BTD: variants seen among roughly 807,000 people sequenced by gnomAD.
BTD encodes biocytinase.
A neutral mutation model predicts 17.7 loss-of-function variants in BTD; 13 were observed. That is an observed-to-expected ratio of 0.74 (90% CI 0.48 to 1.17). The LOEUF is 1.17. BTD is among the 50% of genes most tolerant of loss of function. The pLI is 0.00. For synonymous variants in BTD, 240 were observed against 245.2 expected (o/e 0.98, Z 0.20); for missense variants, 674 against 650.4 (o/e 1.04, Z -0.39).
rs570622244 is a variant in BTD, at chr3:15,687,108, A to AT, written c.400-22944dup. Among the ~76,000 whole-genome samples the AT allele has an allele frequency of 5.8e-3, 877 of 151,316 alleles. 5 individuals are homozygous for AT. Among genetic ancestry groups the AT allele is most frequent in the African/African-American group, 0.02 (825 of 41,166 alleles). ...CAGGCGCCTGCCACCACACCCGGCG[A>AT]TTTTTTTTGTATTTTTAGGAGAGAT... On this transcript the variant is annotated intron_variant, in intron 3 of 3. Coordinates refer to the BTD transcript ENST00000672141.
At chr3:15,674,095 C>G (rs1469097212) in intron 3 of BTD, among the ~76,000 whole-genome samples, 5 of 132,516 alleles carry the variant, frequency 3.8e-5, no homozygotes. Context: ...TCTCTTGAGC[C>G]CAGGAGTTCA....
chr3:15,662,561 T>C (rs2065935061), intron 3 of BTD, among the ~76,000 whole-genome samples: 1 of 152,262 alleles, frequency 6.6e-6, no homozygotes, highest in South Asian at 2.1e-4. Flanking sequence ...TTTTACTTCT[T>C]CCTTTCTAAC....
intron 1 of BTD, 146 bp downstream of exon 1, chr3:15,602,040 C>A (rs910676921): frequency 1.3e-6 from 2 of 1,482,432 alleles, no homozygotes; most frequent in Non-Finnish European, 1.8e-6. Context: ...TTTGCTGGGG[C>A]TGTTTGTGCG....
At chr3:15,643,841 G>A (rs1196855900) in intron 3 of BTD, among the ~76,000 whole-genome samples, 2 of 143,784 alleles carry the variant, frequency 1.4e-5, no homozygotes, top group Non-Finnish European at 3.0e-5. Flanking sequence ...AGGATTGCTT[G>A]AGGCCAGGAG....
chr3:15,707,781 T>C (rs1359562181), intron 3 of BTD: 11 of 980,942 alleles, frequency 1.1e-5, no homozygotes. Flanking sequence ...ATGAAACCAA[T>C]CTATTTCCCA....
intron 1 of BTD, among the ~76,000 whole-genome samples, chr3:15,613,620 T>C (rs1025539737): frequency 6.6e-6 from 1 of 152,138 alleles, no homozygotes. Context: ...TTTTATTTAA[T>C]ATAAGCAGTT....
intron 3 of BTD, among the ~76,000 whole-genome samples, chr3:15,662,562 CCTTT>C (rs755438790): frequency 5.3e-5 from 8 of 152,188 alleles, no homozygotes; most frequent in Admixed American, 1.3e-4. Context: ...TTTACTTCTT[CCTTT>C]CTAACCTGCA....
At chr3:15,670,426 A>G (rs772854817) in intron 3 of BTD, 1 of 1,613,994 alleles carries the variant, frequency 6.2e-7, no homozygotes, top group East Asian at 2.2e-5. Context: ...TGTTGGTATA[A>G]CGGTTAATGG....
chr3:15,669,253 G>C (rs1393430347), intron 3 of BTD: 1 of 152,080 alleles, frequency 6.6e-6, no homozygotes, highest in Non-Finnish European at 1.5e-5. Flanking sequence ...TCATAGATCA[G>C]AATAAACAAA....
upstream of BTD, chr3:15,601,590 A>G (rs766215049): frequency 3.2e-6 from 5 of 1,584,378 alleles, no homozygotes; most frequent in East Asian, 9.1e-5. Flanking sequence ...AGGGCAACCA[A>G]CTGCCTTAAA....
At chr3:15,691,890 G>A (rs190373906) in intron 3 of BTD, among the ~76,000 whole-genome samples, 1 of 152,232 alleles carries the variant, frequency 6.6e-6, no homozygotes, top group Non-Finnish European at 1.5e-5. Flanking sequence ...GCACTTTGGG[G>A]AGGCTGAGGT....
At position 15,644,796 on chromosome 3, in the gene BTD, C is replaced by T; in HGVS notation, c.880C>T (p.His294Tyr). Residue 294 changes from histidine to tyrosine, a missense_variant, in exon 4 of 4, where the codon CAC becomes TAC. Transcript: ENST00000643237. ...PVLGMTGSGI[H>Y]TPLESFWYHD... is the part of the protein sequence containing the mutation. ...TCTGGGGATGACAGGAAGTGGCATA[C>T]ACACCCCTCTGGAGTCCTTTTGGTA... The T allele has an allele frequency of 6.2e-7, 1 of 1,614,178 alleles. No individual in the cohort carries two copies. The highest frequency in any genetic ancestry group is 8.5e-7 in the Non-Finnish European group (1 of 1,180,036).
In BTD at chr3:15,601,886, T is replaced by C; in HGVS notation, c.-25T>C. On this transcript the variant is annotated 5_prime_UTR_variant, in exon 1 of 4. Transcript: ENST00000643237. ...CGCATATTCAGGGCGGAAGGCGCGC[T>C]AAGAGCAGGTACGGAGGGGGCGTGG... 7 of 1,613,878 alleles carry C rather than the reference T, an allele frequency of 4.3e-6. No individual in the cohort carries two copies. Among genetic ancestry groups the C allele is most frequent in the Non-Finnish European group, 5.9e-6 (7 of 1,180,014 alleles).
intron 3 of BTD, among the ~76,000 whole-genome samples, chr3:15,671,578 G>GTTTTTTTTTTTTTTTTTTTTTTTT (rs869032190): frequency 7.1e-6 from 1 of 141,326 alleles, no homozygotes; most frequent in African/African-American, 2.7e-5. Context: ...AAACACTATA[G>GTTTTTTTTTTTTTTTTTTTTTTTT]TTTTTTTTTT....
chr3:15,672,427 C>G (rs1476367898), intron 3 of BTD, among the ~76,000 whole-genome samples: 1 of 152,184 alleles, frequency 6.6e-6, no homozygotes, highest in East Asian at 1.9e-4. Context: ...TAGGAGTAAG[C>G]CACTGTGCCC....
intron 3 of BTD, chr3:15,669,003 A>T (rs1050115461): frequency 6.6e-6 from 1 of 152,606 alleles, no homozygotes; most frequent in African/African-American, 2.4e-5. Flanking sequence ...AAAAGCCGAA[A>T]TATCAGCCTT....
At chr3:15,639,734 A>G (rs1274134721) in intron 2 of BTD, among the ~76,000 whole-genome samples, 3 of 152,346 alleles carry the variant, frequency 2.0e-5, no homozygotes, top group African/African-American at 7.2e-5. Context: ...GTGTGCAATG[A>G]GATGATACTG....
chr3:15,614,098 A>G (rs185710538), intron 1 of BTD, among the ~76,000 whole-genome samples: 4 of 137,496 alleles, frequency 2.9e-5, no homozygotes, highest in African/African-American at 1.1e-4. Flanking sequence ...GTGTCATTTT[A>G]TGTATTTTCT....
chr3:15,641,962 A>G lies in BTD; in HGVS notation c.304A>G (p.Arg102Gly), dbSNP rs397514354. 1.9e-6 allele frequency: 3 copies of G among 1,614,038 alleles called. No homozygotes were observed. Among genetic ancestry groups the G allele is most frequent in the Non-Finnish European group, 2.5e-6 (3 of 1,179,940 alleles). ...TGGCATTCATGGATTCAACTTTACA[A>G]GAACATCCATTTATCCATTTTTGGA... ...EDGIHGFNFT[R>G]TSIYPFLDFM... is the part of the protein sequence containing the mutation. The change falls in exon 3 of 4, where the codon AGA becomes GGA. Residue 102 changes from arginine to glycine, a missense_variant. By Grantham distance (125) the Arg-to-Gly change is moderately radical. Transcript: ENST00000643237.
Sources: allele counts gnomAD v4.1 joint callset (sites outside exome capture counted in the v4.1 genomes callset), GRCh38; gene constraint gnomAD v4.1.1; transcripts MANE v1.5; gene names NCBI Gene and HGNC (gene_info 2026-07-23, HGNC 2026-07-21).